The following RAB3C variants were observed in gnomAD, a reference collection of about 807,000 sequenced individuals.
RAB3C encodes RAB3C, member RAS oncogene family.
In RAB3C, 17 loss-of-function variants were observed where a neutral mutation model predicts 26.4. The ratio of observed to expected loss-of-function variants is 0.64; its 90% CI spans 0.44 to 0.97. The LOEUF (loss-of-function observed/expected upper bound fraction) is 0.97. Ranked by LOEUF, RAB3C falls within the 50% of genes least tolerant of loss-of-function variation. RAB3C has a pLI of 0.00. For synonymous variants in RAB3C, 91 were observed against 95.9 expected (o/e 0.95, Z 0.30); for missense variants, 242 against 281.9 (o/e 0.86, Z 1.01).
At chr5:58,647,969 G>A (rs1267234790) in intron 2 of RAB3C, among the ~76,000 whole-genome samples, 1 of 152,194 alleles carries the variant, frequency 6.6e-6, no homozygotes, top group Non-Finnish European at 1.5e-5. Context: ...ATAAAAAAAT[G>A]TGACATAGTA....
chr5:58,688,884 G>T (rs1223547455), intron 2 of RAB3C, among the ~76,000 whole-genome samples: 1 of 152,032 alleles, frequency 6.6e-6, no homozygotes, highest in African/African-American at 2.4e-5. Flanking sequence ...ATTTGTTTTT[G>T]CCTTTTTTGT....
In RAB3C at chr5:58,663,438, A is replaced by G. The variant is rs1334450602; in HGVS notation, c.252+45568A>G. Among the ~76,000 whole-genome samples the G allele has an allele frequency of 2.0e-5, 3 of 150,434 alleles. No homozygotes were observed. The East Asian group carries it at 5.8e-4, about 29-fold the overall frequency. Reference sequence around the variant, plus strand: ...AACACATTTCAAAAAGTGATTTTGGATAAAAATTTCTTTATCATTTGTTGA... The same window carrying G: ...AACACATTTCAAAAAGTGATTTTGGGTAAAAATTTCTTTATCATTTGTTGA... On this transcript the variant is annotated intron_variant, in intron 2 of 4. Transcript: ENST00000282878.
intron 2 of RAB3C, among the ~76,000 whole-genome samples, chr5:58,620,775 A>G (rs1166995906): frequency 6.6e-6 from 1 of 152,162 alleles, no homozygotes; most frequent in East Asian, 1.9e-4. Context: ...CTTCTTGACT[A>G]ATGTGGTGGT....
At chr5:58,789,714 A>G (rs139935967) in intron 3 of RAB3C, among the ~76,000 whole-genome samples, 209 of 152,324 alleles carry the variant, frequency 1.4e-3, no homozygotes, top group African/African-American at 4.3e-3. Context: ...AAAAATTCAT[A>G]GAATTATAAG....
intron 4 of RAB3C, among the ~76,000 whole-genome samples, chr5:58,836,916 C>G (rs1333974247): frequency 1.3e-5 from 2 of 152,114 alleles, no homozygotes; most frequent in African/African-American, 4.8e-5. Context: ...TTTGTTAGAG[C>G]CTATGGTAGT....
At chr5:58,815,580 G>A (rs1039582162) in intron 3 of RAB3C, among the ~76,000 whole-genome samples, 2 of 152,152 alleles carry the variant, frequency 1.3e-5, no homozygotes, top group Non-Finnish European at 2.9e-5. Context: ...GAAGCTGCCA[G>A]CAACACACCC....
intron 4 of RAB3C, among the ~76,000 whole-genome samples, chr5:58,841,164 A>G (rs895932838): frequency 6.6e-6 from 1 of 152,184 alleles, no homozygotes; most frequent in Non-Finnish European, 1.5e-5. Context: ...ACGGTCACAT[A>G]GCGACTTTGC....
intron 2 of RAB3C, among the ~76,000 whole-genome samples, chr5:58,666,642 T>TAC (rs1748008060): frequency 6.6e-6 from 1 of 152,122 alleles, no homozygotes; most frequent in South Asian, 2.1e-4. Flanking sequence ...GCTGACCAGT[T>TAC]AGTAGAGATA....
intron 3 of RAB3C, among the ~76,000 whole-genome samples, chr5:58,799,543 G>C (rs1008653892): frequency 1.3e-5 from 2 of 152,074 alleles, no homozygotes; most frequent in Non-Finnish European, 2.9e-5. Context: ...CACAATCAAC[G>C]TGAAATGGTC....
chr5:58,832,437 C>T (rs975021134), intron 4 of RAB3C, among the ~76,000 whole-genome samples: 10 of 152,124 alleles, frequency 6.6e-5, no homozygotes, highest in African/African-American at 1.9e-4. Context: ...GAATATATTA[C>T]GGGACTTTAT....
intron 3 of RAB3C, among the ~76,000 whole-genome samples, chr5:58,747,476 C>T (rs1295687260): frequency 5.3e-5 from 8 of 152,234 alleles, no homozygotes; most frequent in Admixed American, 2.6e-4. Flanking sequence ...AACATTTCTC[C>T]GTTAAACTTC....
chr5:58,726,216 T>C, intron 3 of RAB3C, 96 bp downstream of exon 3: 1 of 625,292 alleles, frequency 1.6e-6, no homozygotes, highest in Non-Finnish European at 2.8e-6. Context: ...CAATGTAATA[T>C]ATGTGTTTAC....
chr5:58,691,296 T>C (rs553113559), intron 2 of RAB3C, among the ~76,000 whole-genome samples: 1 of 152,298 alleles, frequency 6.6e-6, no homozygotes, highest in South Asian at 2.1e-4. Context: ...CATTTGTTCA[T>C]AAGTGGGCTG....
chr5:58,592,912 C>A (rs1002616598), intron 1 of RAB3C, among the ~76,000 whole-genome samples: 2 of 151,898 alleles, frequency 1.3e-5, no homozygotes, highest in African/African-American at 4.8e-5. Context: ...GTCAGATTGG[C>A]GAATTGGATA....
At chr5:58,733,879 G>A (rs774078175) in intron 3 of RAB3C, among the ~76,000 whole-genome samples, 1 of 152,138 alleles carries the variant, frequency 6.6e-6, no homozygotes, top group Non-Finnish European at 1.5e-5. Flanking sequence ...CTCCATCCCC[G>A]ATTTTAACAT....
At chr5:58,843,047 T>C (rs1415632564) in intron 4 of RAB3C, among the ~76,000 whole-genome samples, 2 of 152,210 alleles carry the variant, frequency 1.3e-5, no homozygotes, top group Non-Finnish European at 2.9e-5. Context: ...GTTTACCAAG[T>C]GTGTGACTCA....
At chr5:58,825,932 A>G (rs1415047065) in intron 4 of RAB3C, among the ~76,000 whole-genome samples, 3 of 152,202 alleles carry the variant, frequency 2.0e-5, no homozygotes, top group African/African-American at 7.2e-5. Flanking sequence ...AAAGTAATTC[A>G]CAGTCCCTAG....
intron 3 of RAB3C, among the ~76,000 whole-genome samples, chr5:58,812,264 T>G (rs150682263): frequency 3.9e-5 from 6 of 152,054 alleles, no homozygotes; most frequent in Non-Finnish European, 8.8e-5. Flanking sequence ...GAAAGAGTTG[T>G]ATAAGCCTTC....
At chr5:58,728,236 A>G (rs1579882880) in intron 3 of RAB3C, among the ~76,000 whole-genome samples, 2 of 152,058 alleles carry the variant, frequency 1.3e-5, no homozygotes, top group East Asian at 1.9e-4. Context: ...TCCATCAGAC[A>G]TAGCGTTTAG....
Sources: gnomAD v4.1 joint callset for allele counts (sites outside exome capture counted in the v4.1 genomes callset) on GRCh38, gnomAD v4.1.1 for gene constraint, MANE v1.5 for transcripts, NCBI Gene and HGNC (gene_info 2026-07-23, HGNC 2026-07-21) for gene names.